FAT2: variants seen among roughly 807,000 people sequenced by gnomAD.
FAT2 encodes FAT atypical cadherin 2.
A neutral mutation model predicts 295.3 loss-of-function variants in FAT2; 150 were observed. The observed-to-expected ratio is 0.51, with a 90% CI of 0.44 to 0.58. FAT2 has a LOEUF of 0.58. Among genes scored for constraint, FAT2 ranks in the 20% least tolerant of loss-of-function variants. The probability of loss-of-function intolerance (pLI) is 0.00; values close to 1 mark genes in which losing one functional copy is unlikely to be tolerated. For synonymous variants in FAT2, 2,026 were observed against 2,150.3 expected (o/e 0.94, Z 1.60); for missense variants, 4,868 against 5,442.7 (o/e 0.89, Z 3.32).
At chr5:151,576,732 C>G (rs571181017) in intron 1 of FAT2, among the ~76,000 whole-genome samples, 2 of 152,236 alleles carry the variant, frequency 1.3e-5, no homozygotes, top group South Asian at 4.1e-4. Context: ...TAGGTACCTG[C>G]TAGTCAAGTC....
Position 151,542,350 on chromosome 5 carries a change from G to A in FAT2, c.8777C>T (p.Ala2926Val), listed in dbSNP as rs377736336. 9.3e-6 allele frequency: 15 copies of A among 1,613,912 alleles called. No homozygotes were observed. Among genetic ancestry groups the A allele is most frequent in the Middle Eastern group, 1.7e-4 (1 of 6,060 alleles). The part of the protein sequence containing the change: ...VENSEPGELV[A>V]TLKTLDADIS... Reference sequence around the variant, plus strand: ...GTCAGCATCCAGGGTCTTTAGAGTCGCCACCAGTTCGCCAGGCTCACTGTT... The same window carrying A: ...GTCAGCATCCAGGGTCTTTAGAGTCACCACCAGTTCGCCAGGCTCACTGTT... The change falls in exon 10 of 24, where the codon GCG becomes GTG. Residue 2926 changes from alanine (A) to valine (V), a missense_variant. Transcript: ENST00000261800.
chr5:151,516,279 G>A (rs865804274), intron 20 of FAT2, among the ~76,000 whole-genome samples: 1 of 152,224 alleles, frequency 6.6e-6, no homozygotes, highest in Non-Finnish European at 1.5e-5. Context: ...GGAGGCCAAG[G>A]TGGGTGGATC....
At chr5:151,518,120 CAG>C (rs1753051553) in intron 19 of FAT2, among the ~76,000 whole-genome samples, 1 of 152,080 alleles carries the variant, frequency 6.6e-6, no homozygotes. Context: ...CACCTGAACC[CAG>C]AAGTTCGAGA....
intron 1 of FAT2, among the ~76,000 whole-genome samples, chr5:151,578,546 G>A (rs988433966): frequency 2.0e-5 from 3 of 152,146 alleles, no homozygotes; most frequent in Non-Finnish European, 4.4e-5. Flanking sequence ...CAGCCATTAC[G>A]GAAAACAGTA....
chr5:151,575,854 G>C (rs188459415), intron 1 of FAT2, among the ~76,000 whole-genome samples: 1 of 152,234 alleles, frequency 6.6e-6, no homozygotes, highest in Non-Finnish European at 1.5e-5. Flanking sequence ...TGGGAGCCAT[G>C]AGCCATGCAT....
In FAT2 at chr5:151,563,314, T is replaced by G; in HGVS notation, c.3574+11A>C. The stretch of plus-strand genomic sequence containing the variant: ...AGAGATCCCTGTTCACCCAGCTTTT[T>G]GGATCCTTACCTGTAACAGGGTGAA... On this transcript the variant is annotated intron_variant, in intron 3 of 23. Coordinates refer to ENST00000261800, the MANE Select transcript of FAT2 (RefSeq NM_001447.3). The G allele has an allele frequency of 6.2e-7, 1 of 1,612,334 alleles. No individual in the cohort carries two copies. The highest frequency in any genetic ancestry group is 1.1e-5 in the South Asian group (1 of 90,794).
At chr5:151,575,553 G>A (rs775310679) in intron 1 of FAT2, among the ~76,000 whole-genome samples, 4 of 152,178 alleles carry the variant, frequency 2.6e-5, no homozygotes, top group Non-Finnish European at 4.4e-5. Flanking sequence ...CAAATACCTA[G>A]CACTGGAACA....
chr5:151,525,361 A>G (rs779603504), intron 18 of FAT2, among the ~76,000 whole-genome samples: 8 of 152,188 alleles, frequency 5.3e-5, no homozygotes, highest in Non-Finnish European at 1.2e-4. Flanking sequence ...TCTCTGAGGT[A>G]GGTTGTTTTA....
intron 12 of FAT2, among the ~76,000 whole-genome samples, chr5:151,537,232 G>GGAGGAA (rs751401619): frequency 6.6e-6 from 1 of 150,764 alleles, no homozygotes; most frequent in Non-Finnish European, 1.5e-5. Flanking sequence ...AGGAGGAGGA[G>GGAGGAA]GAAGAAGAAG....
intron 19 of FAT2, among the ~76,000 whole-genome samples, chr5:151,518,348 C>CTAATAATAA (rs3056491): frequency 0.069 from 6,986 of 101,408 alleles, 447 homozygotes; most frequent in African/African-American, 0.16. Context: ...GACCATGTCT[C>CTAATAATAA]TAATAATAAT....
chr5:151,543,067 G>C lies in FAT2; in HGVS notation c.8060C>G (p.Ser2687Cys), dbSNP rs540346587. 6.2e-7 allele frequency: 1 copy of C among 1,614,148 alleles called. No homozygotes were observed. Among genetic ancestry groups the C allele is most frequent in the Non-Finnish European group, 8.5e-7 (1 of 1,180,036 alleles). ...CAAAGGTTCAGAAAATTTCGGTAAGGATACTTTTTTAGGAACCACCTGAAG... is the reference window on the plus strand; with the variant it reads ...CAAAGGTTCAGAAAATTTCGGTAAGCATACTTTTTTAGGAACCACCTGAAG... ...VRLQVVPKKV[S>C]LPKFSEPLYT... The change falls in exon 10 of 24, where the codon TCC becomes TGC. Residue 2687 changes from serine to cysteine, a missense_variant. Ser to Cys is a moderately radical substitution (Grantham distance 112). Coordinates refer to ENST00000261800, the MANE Select transcript of FAT2 (RefSeq NM_001447.3).
intron 15 of FAT2, 68 bp downstream of exon 15, chr5:151,529,110 T>C (rs1326544301): frequency 7.6e-7 from 1 of 1,313,592 alleles, no homozygotes; most frequent in African/African-American, 1.4e-5. Flanking sequence ...GATGGCTGGG[T>C]GTGGGGGTGA....
intron 13 of FAT2, 150 bp from the exon 14 acceptor site, chr5:151,532,120 C>T: frequency 9.9e-7 from 1 of 1,012,232 alleles, no homozygotes; most frequent in Non-Finnish European, 1.4e-6. Flanking sequence ...AGGGTCTCTC[C>T]AGCGGGGTGT....
rs2127649350 is a variant in FAT2 at position 151,568,104 on chromosome 5, C to T, written c.828G>A (p.Leu276=). ...CAGCTCCTGAGCTATTTGCATCGAC[C>T]AGTACAGTGGCATAGGTGGTACCAT... The part of the protein sequence containing the change: ...SNDGTTYATV[L]VDANSSGAEV... The change falls in exon 2 of 24, where the codon CTG becomes CTA. Residue 276 remains leucine, a synonymous_variant. Coordinates refer to ENST00000261800, the MANE Select transcript of FAT2 (RefSeq NM_001447.3). 1.2e-6 allele frequency: 2 copies of T among 1,614,194 alleles called. No homozygotes were observed. The highest frequency in any genetic ancestry group is 1.1e-5 in the South Asian group (1 of 91,076).
intron 19 of FAT2, among the ~76,000 whole-genome samples, chr5:151,520,936 G>A (rs1753389737): frequency 6.6e-6 from 1 of 152,260 alleles, no homozygotes; most frequent in Admixed American, 6.5e-5. Flanking sequence ...AAGGCACAGA[G>A]AGGTTAATTT....
chr5:151,527,378 C>A lies in FAT2; in HGVS notation c.10165-1G>T, dbSNP rs2127586504. The A allele has an allele frequency of 1.3e-6, 2 of 1,597,760 alleles. No individual in the cohort carries two copies. The highest frequency in any genetic ancestry group is 1.1e-5 in the South Asian group (1 of 89,536). Reference sequence around the variant, plus strand: ...GGAGCTTCAGGGAATAACTAGAGGCCTATTGCAAAATGTCCAGTGGAGGTT... The same window carrying A: ...GGAGCTTCAGGGAATAACTAGAGGCATATTGCAAAATGTCCAGTGGAGGTT... On this transcript the variant is annotated splice_acceptor_variant, in intron 16 of 23. Transcript: ENST00000261800. LOFTEE classifies it high-confidence loss of function.
intron 3 of FAT2, among the ~76,000 whole-genome samples, chr5:151,559,548 GCT>G (rs1296046193): frequency 1.3e-5 from 2 of 151,744 alleles, no homozygotes; most frequent in Non-Finnish European, 2.9e-5. Flanking sequence ...CTCTCCCTTT[GCT>G]CTCTTTTCTG....
At chr5:151,562,886 G>A (rs1469488177) in intron 3 of FAT2, among the ~76,000 whole-genome samples, 1 of 152,100 alleles carries the variant, frequency 6.6e-6, no homozygotes, top group African/African-American at 2.4e-5. Context: ...CCAGCACTCT[G>A]GGCGGGGTTG....
intron 18 of FAT2, among the ~76,000 whole-genome samples, chr5:151,523,708 T>C (rs908973758): frequency 2.0e-5 from 3 of 152,196 alleles, no homozygotes; most frequent in African/African-American, 7.2e-5. Flanking sequence ...ACATCCATGC[T>C]CTTGGCTTTG....
Sources: allele counts gnomAD v4.1 joint callset (sites outside exome capture counted in the v4.1 genomes callset), GRCh38; gene constraint gnomAD v4.1.1; transcripts MANE v1.5; gene names NCBI Gene and HGNC (gene_info 2026-07-23, HGNC 2026-07-21).